Variants in RP1 observed in about 807,000 individuals in gnomAD.
RP1 encodes the protein RP1 axonemal microtubule associated, also known as oxygen-regulated protein 1.
A neutral mutation model predicts 14.8 loss-of-function variants in RP1; 16 were observed. That is an observed-to-expected ratio of 1.08 (90% CI 0.73 to 1.65). The LOEUF (loss-of-function observed/expected upper bound fraction) is 1.65. RP1 is among the 40% of genes most tolerant of loss of function. The pLI is 0.00. For missense variants in RP1, 2,631 were observed against 2,535.0 expected (o/e 1.04, Z -0.81); for synonymous variants, 876 against 883.6 (o/e 0.99, Z 0.15).
chr8:54,783,140 C>T (rs1810230693), intron 23 of RP1, among the ~76,000 whole-genome samples: 1 of 152,104 alleles, frequency 6.6e-6, no homozygotes, highest in Admixed American at 6.5e-5. Context: ...ACTAGTGTAG[C>T]TTGATAGGAC....
chr8:54,738,441 G>A (rs997437389), intron 18 of RP1, among the ~76,000 whole-genome samples: 7 of 152,090 alleles, frequency 4.6e-5, no homozygotes. Flanking sequence ...TTCCTTGAAC[G>A]TAGAACATCT....
intron 7 of RP1, among the ~76,000 whole-genome samples, chr8:54,668,962 G>A (rs1297349745): frequency 6.6e-6 from 1 of 152,100 alleles, no homozygotes; most frequent in African/African-American, 2.4e-5. Context: ...CAGGACATAG[G>A]CATGGGCAAG....
intron 15 of RP1, among the ~76,000 whole-genome samples, chr8:54,717,969 A>C (rs530272985): frequency 3.7e-4 from 57 of 152,328 alleles, no homozygotes; most frequent in South Asian, 6.2e-4. Flanking sequence ...ATTTAAAATT[A>C]AAAACATAAT....
At chr8:54,701,391 A>T in intron 13 of RP1, 1 of 1,015,640 alleles carries the variant, frequency 9.8e-7, no homozygotes, top group Non-Finnish European at 1.3e-6. Context: ...GTTTCCATAA[A>T]ATGAAGTAGA....
rs374118346 is a variant in RP1, at chr8:54,673,944, A to G, written c.1402+16A>G. The G allele has an allele frequency of 1.1e-5, 17 of 1,522,260 alleles. No homozygotes were observed. The East Asian group carries it at 1.5e-4, about 13-fold the overall frequency. 94.3% of individuals were successfully genotyped at this position (1,522,260 alleles called of 1,614,324 possible). ...CTTGGCCCAGGTAAGACTCTTCCAC[A>G]GAGAGTTCATGAAGGTCTGATTCCA... On this transcript the variant is annotated intron_variant, in intron 8 of 22. Coordinates refer to the RP1 transcript ENST00000636932.
At chr8:54,734,781 T>C in intron 18 of RP1, 1 of 1,484,816 alleles carries the variant, frequency 6.7e-7, no homozygotes, top group Non-Finnish European at 9.0e-7. Flanking sequence ...CCTGTGAACA[T>C]TTCAAAGACA....
chr8:54,842,785 G>A (rs1485348753), intron 25 of RP1, among the ~76,000 whole-genome samples: 2 of 152,006 alleles, frequency 1.3e-5, no homozygotes, highest in South Asian at 2.1e-4. Flanking sequence ...CTTGTGTCCC[G>A]CCACCACCTG....
At chr8:54,590,314 C>A (rs774084025) in intron 1 of RP1, among the ~76,000 whole-genome samples, 1 of 152,108 alleles carries the variant, frequency 6.6e-6, no homozygotes, top group East Asian at 1.9e-4. Flanking sequence ...AGCAAAGAGC[C>A]GCCCACCTCT....
chr8:54,805,000 G>A (rs555690467), intron 24 of RP1, among the ~76,000 whole-genome samples: 1 of 152,224 alleles, frequency 6.6e-6, no homozygotes, highest in East Asian at 1.9e-4. Flanking sequence ...TTTCACCTGG[G>A]ATCATATGAT....
Position 54,627,877 on chromosome 8 carries a change from C to A in RP1, c.3995C>A (p.Thr1332Asn), listed in dbSNP as rs764480983. Residue 1332 changes from threonine to asparagine, a missense_variant, in exon 4 of 4, where the codon ACC becomes AAC. Physicochemically the swap from Thr to Asn is moderately conservative, Grantham distance 65 (BLOSUM62 0). Transcript: ENST00000220676. ...GAGGGAGCTTGCCCAATTGATGAGA[C>A]CTACGTTCCTGTCAATGTCTGCAAT... The part of the protein sequence containing the change: ...TYEGACPIDE[T>N]YVPVNVCNTI... The A allele has an allele frequency of 6.2e-7, 1 of 1,613,998 alleles. No individual in the cohort carries two copies. The highest frequency in any genetic ancestry group is 1.7e-5 in the Admixed American group (1 of 59,998).
At chr8:54,575,142 T>C (rs1226892499) in intron 1 of RP1, among the ~76,000 whole-genome samples, 2 of 152,170 alleles carry the variant, frequency 1.3e-5, no homozygotes, top group African/African-American at 2.4e-5. Context: ...TAATAGATGA[T>C]TTGAAGCAGA....
intron 1 of RP1, among the ~76,000 whole-genome samples, chr8:54,577,398 T>A (rs1804685906): frequency 6.6e-6 from 1 of 152,196 alleles, no homozygotes. Context: ...AATCATTTAT[T>A]TGTGATTTAT....
chr8:54,591,706 T>C (rs1013999275), intron 1 of RP1, among the ~76,000 whole-genome samples: 12 of 152,268 alleles, frequency 7.9e-5, no homozygotes, highest in Middle Eastern at 3.4e-3. Flanking sequence ...GGTGGGCCAA[T>C]TGGACTGAGC....
chr8:54,729,271 C>G (rs573684299), intron 17 of RP1, among the ~76,000 whole-genome samples: 1 of 152,288 alleles, frequency 6.6e-6, no homozygotes, highest in South Asian at 2.1e-4. Context: ...GGCACTTGAA[C>G]AGTGCAGTGC....
intron 3 of RP1, among the ~76,000 whole-genome samples, chr8:54,645,782 C>T (rs1030241097): frequency 6.6e-6 from 1 of 152,086 alleles, no homozygotes; most frequent in African/African-American, 2.4e-5. Flanking sequence ...ACAAAATTCA[C>T]CACTGAAGCC....
intron 1 of RP1, among the ~76,000 whole-genome samples, chr8:54,566,805 C>A (rs1804418523): frequency 6.6e-6 from 1 of 152,216 alleles, no homozygotes; most frequent in South Asian, 2.1e-4. Context: ...TTAATGCTTA[C>A]AGATTATTCA....
In RP1 at chr8:54,825,123, C is replaced by A. The variant is rs1811357467; in HGVS notation, c.3616-12327C>A. Among the ~76,000 whole-genome samples the A allele has an allele frequency of 3.3e-5, 5 of 152,196 alleles. No homozygotes were observed. The South Asian group carries it at 1.0e-3, about 32-fold the overall frequency. ...TAGCTGGGACTACAGGCGCCTGCCA[C>A]CACGGCCGGCTAATTTGAGTAGAGA... On this transcript the variant is annotated intron_variant, in intron 24 of 28. Coordinates refer to the RP1 transcript ENST00000637698.
At chr8:54,684,430 C>T (rs892840244) in intron 12 of RP1, among the ~76,000 whole-genome samples, 2 of 152,116 alleles carry the variant, frequency 1.3e-5, no homozygotes, top group African/African-American at 4.8e-5. Context: ...AGCTGTAAAT[C>T]TGTCTGGTAG....
intron 19 of RP1, among the ~76,000 whole-genome samples, chr8:54,752,367 C>T (rs993379088): frequency 6.6e-6 from 1 of 152,132 alleles, no homozygotes; most frequent in African/African-American, 2.4e-5. Context: ...TGAGTTAAAC[C>T]AAGGAATAAA....
Sources: gnomAD v4.1 joint callset for allele counts (sites outside exome capture counted in the v4.1 genomes callset) on GRCh38, gnomAD v4.1.1 for gene constraint, MANE v1.5 for transcripts, NCBI Gene and HGNC (gene_info 2026-07-23, HGNC 2026-07-21) for gene names.